NRXN3: variants seen among roughly 807,000 people sequenced by gnomAD.
NRXN3 encodes neurexin 3, also known as neurexin III.
Under a neutral mutation model 137.6 loss-of-function variants are expected in NRXN3, and 32 were observed. The observed-to-expected ratio is 0.23, with a 90% CI of 0.18 to 0.31. NRXN3 has a LOEUF of 0.31. Among genes scored for constraint, NRXN3 ranks in the 10% least tolerant of loss-of-function variants. The pLI is 1.00. For missense variants in NRXN3, 1,574 were observed against 2,062.5 expected, an observed-to-expected ratio of 0.76 and a Z score of 4.59; for synonymous variants, 798 against 784.5, an observed-to-expected ratio of 1.02 and a Z score of -0.29.
intron 4 of NRXN3, among the ~76,000 whole-genome samples, chr14:78,316,661 G>C (rs2078744980): frequency 6.6e-6 from 1 of 152,160 alleles, no homozygotes. Flanking sequence ...TGATATGTCA[G>C]TTAGGATGCT....
At chr14:79,316,634 C>A (rs2088763017) in intron 15 of NRXN3, among the ~76,000 whole-genome samples, 1 of 152,026 alleles carries the variant, frequency 6.6e-6, no homozygotes, top group Admixed American at 6.6e-5. Flanking sequence ...TGACAACTTG[C>A]CCTGCATATT....
intron 19 of NRXN3, among the ~76,000 whole-genome samples, chr14:79,704,499 A>G (rs1242270413): frequency 6.6e-6 from 1 of 152,136 alleles, no homozygotes; most frequent in Non-Finnish European, 1.5e-5. Flanking sequence ...TAAGGAATCT[A>G]CACAGTTTTC....
chr14:79,192,167 C>G (rs898850929), intron 15 of NRXN3, among the ~76,000 whole-genome samples: 9 of 152,126 alleles, frequency 5.9e-5, no homozygotes, highest in African/African-American at 2.2e-4. Flanking sequence ...GATTACAGAT[C>G]CCAACTGGAT....
rs917454046 is a variant in NRXN3, at chr14:79,388,027, C to T, written c.3263-79194C>T. The stretch of plus-strand genomic sequence containing the variant: ...AAATGACGAGTTAATGGGTGCAGCA[C>T]ACCAACATGGCACATGTATACATAT... On this transcript the variant is annotated intron_variant, in intron 15 of 20. Transcript: ENST00000335750. 4.0e-5 allele frequency among the ~76,000 whole-genome samples: 6 copies of T among 151,558 alleles called. No homozygotes were observed. In the South Asian group the frequency reaches 8.3e-4, roughly 21 times the overall value.
intron 9 of NRXN3, among the ~76,000 whole-genome samples, chr14:78,805,607 A>C (rs1028932238): frequency 6.6e-6 from 1 of 151,738 alleles, no homozygotes; most frequent in African/African-American, 2.4e-5. Flanking sequence ...ACAGAAAAAA[A>C]AAAAAAACAG....
At chr14:79,020,431 A>T (rs1441789960) in intron 15 of NRXN3, among the ~76,000 whole-genome samples, 3 of 138,686 alleles carry the variant, frequency 2.2e-5, no homozygotes, top group Non-Finnish European at 4.7e-5. Flanking sequence ...ACGCCTGGCT[A>T]TTTTTTTTTT....
chr14:79,359,632 G>A lies in NRXN3; in HGVS notation c.3263-107589G>A, dbSNP rs141959532. Among the ~76,000 whole-genome samples the A allele has an allele frequency of 6.7e-3, 986 of 147,368 alleles. 7 individuals carry two copies. Among genetic ancestry groups the A allele is most frequent in the African/African-American group, 0.023 (902 of 39,636 alleles). On this transcript the variant is annotated intron_variant, in intron 15 of 20. Coordinates refer to ENST00000335750, the MANE Select transcript of NRXN3 (RefSeq NM_001330195.2). ...GTCGCCCAGGCTGGAGTACAGTGGCGTGATCTTGGCTCACTGCAACCTCTT... is the reference window on the plus strand; with the variant it reads ...GTCGCCCAGGCTGGAGTACAGTGGCATGATCTTGGCTCACTGCAACCTCTT...
intron 16 of NRXN3, among the ~76,000 whole-genome samples, chr14:79,511,079 T>C (rs1406657670): frequency 6.6e-6 from 1 of 151,826 alleles, no homozygotes; most frequent in African/African-American, 2.4e-5. Flanking sequence ...GAGGAAGAAA[T>C]AGGAAAAAGA....
At chr14:79,741,381 A>G (rs2098962518) in intron 19 of NRXN3, among the ~76,000 whole-genome samples, 1 of 152,138 alleles carries the variant, frequency 6.6e-6, no homozygotes. Flanking sequence ...AGAATTCAGC[A>G]TTATTCTAAT....
At chr14:79,161,853 C>T (rs1169024965) in intron 15 of NRXN3, among the ~76,000 whole-genome samples, 2 of 151,942 alleles carry the variant, frequency 1.3e-5, no homozygotes, top group East Asian at 3.9e-4. Flanking sequence ...GATCCCCTGC[C>T]TGCACTGACT....
chr14:78,250,007 C>T, intron 2 of NRXN3: 1 of 458,442 alleles, frequency 2.2e-6, no homozygotes. Context: ...TGGCTCCAGG[C>T]TCACACTGTC....
At chr14:78,764,677 A>G (rs896361570) in intron 8 of NRXN3, among the ~76,000 whole-genome samples, 14 of 152,216 alleles carry the variant, frequency 9.2e-5, no homozygotes, top group African/African-American at 3.4e-4. Context: ...AGTTGGAAAT[A>G]AGTGGTGAAA....
intron 16 of NRXN3, among the ~76,000 whole-genome samples, chr14:79,659,384 TAGAG>T (rs2098522126): frequency 1.3e-5 from 2 of 152,292 alleles, no homozygotes; most frequent in South Asian, 4.1e-4. Context: ...TTGCATTTCT[TAGAG>T]AGGCTTATAA....
rs1180244624 is a variant in NRXN3 at position 79,864,253 on chromosome 14, G to C, written c.*2289G>C. 6.6e-6 allele frequency: 1 copy of C among 152,586 alleles called. No individual in the cohort carries two copies. Among genetic ancestry groups the C allele is most frequent in the Non-Finnish European group, 1.5e-5 (1 of 68,028 alleles). The allele number at this position is 152,586 out of a possible 1,614,324, so 9.5% of individuals were successfully genotyped here. On this transcript the variant is annotated 3_prime_UTR_variant, in exon 21 of 21. Transcript: ENST00000335750. ...TATTTGGACAATTTTATGGGAACATGTGCATTCTCTATGTGAGCTTCTATC... is the reference window on the plus strand; with the variant it reads ...TATTTGGACAATTTTATGGGAACATCTGCATTCTCTATGTGAGCTTCTATC...
At chr14:79,459,227 A>C (rs774164137) in intron 15 of NRXN3, among the ~76,000 whole-genome samples, 1 of 152,058 alleles carries the variant, frequency 6.6e-6, no homozygotes, top group Non-Finnish European at 1.5e-5. Context: ...TATGAGCTGA[A>C]TTATGTCCCC....
chr14:78,410,327 G>A (rs917908608), intron 4 of NRXN3, among the ~76,000 whole-genome samples: 15 of 152,200 alleles, frequency 9.9e-5, no homozygotes, highest in Admixed American at 7.9e-4. Context: ...GTTAGATGGC[G>A]TGGTCCCTCC....
intron 10 of NRXN3, among the ~76,000 whole-genome samples, chr14:78,845,126 T>C (rs2099023094): frequency 1.3e-5 from 2 of 152,140 alleles, no homozygotes; most frequent in Non-Finnish European, 2.9e-5. Context: ...GTATAGAATT[T>C]ATCATCCACA....
intron 4 of NRXN3, among the ~76,000 whole-genome samples, chr14:78,526,927 T>C (rs1265177875): frequency 1.3e-5 from 2 of 152,170 alleles, no homozygotes; most frequent in African/African-American, 2.4e-5. Context: ...TCCATCTCAG[T>C]GAGGGCCAAA....
rs374227605 is a variant in NRXN3 at position 79,867,534 on chromosome 14, T to C, written c.*5570T>C. 1.3e-5 allele frequency: 2 copies of C among 152,196 alleles called. No individual in the cohort carries two copies. Among genetic ancestry groups the C allele is most frequent in the South Asian group, 2.1e-4 (1 of 4,828 alleles). The allele number at this position is 152,196 out of a possible 1,614,324, so 9.4% of individuals were successfully genotyped here. On this transcript the variant is annotated 3_prime_UTR_variant, in exon 21 of 21. Transcript: ENST00000335750. ...TTATAAGACCACCAGTGCTATTGGT[T>C]AAAGCCCTGCCATTATGACTTTGTT... is the stretch of plus-strand genomic sequence containing the variant.
Sources: allele counts gnomAD v4.1 joint callset (sites outside exome capture counted in the v4.1 genomes callset), GRCh38; gene constraint gnomAD v4.1.1; transcripts MANE v1.5; gene names NCBI Gene and HGNC (gene_info 2026-07-23, HGNC 2026-07-21).